The following GNG12 variants were observed in gnomAD, a reference collection of about 807,000 sequenced individuals.
GNG12 encodes guanine nucleotide-binding protein G(I)/G(S)/G(O) subunit gamma-12.
For missense variants in GNG12, 69 were observed against 83.8 expected, an observed-to-expected ratio of 0.82 and a Z score of 0.69; for synonymous variants, 28 against 29.7, an observed-to-expected ratio of 0.94 and a Z score of 0.19.
chr1:67,729,948 A>G (rs1245097251), intron 2 of GNG12, among the ~76,000 whole-genome samples: 2 of 152,232 alleles, frequency 1.3e-5, no homozygotes, highest in Non-Finnish European at 2.9e-5. Context: ...TTATGGCAGT[A>G]CTGACTTAGG....
Position 67,714,662 on chromosome 1 carries a change from C to T in GNG12, c.-26-6950G>A, listed in dbSNP as rs996731633. 5.3e-5 allele frequency among the ~76,000 whole-genome samples: 8 copies of T among 152,128 alleles called. No homozygotes were observed. In the South Asian group the frequency reaches 6.2e-4, roughly 12 times the overall value. On this transcript the variant is annotated intron_variant, in intron 2 of 3. Coordinates refer to ENST00000370982, the MANE Select transcript of GNG12 (RefSeq NM_018841.6). Reference sequence around the variant, plus strand: ...CCTCCTAGCATGCCTCACTGGACTGCGGGGCTGGAAAGTGGAAAACTACAT... The same window carrying T: ...CCTCCTAGCATGCCTCACTGGACTGTGGGGCTGGAAAGTGGAAAACTACAT...
chr1:67,832,288 T>G (rs1160948304), intron 1 of GNG12: 1 of 152,158 alleles, frequency 6.6e-6, no homozygotes, highest in Non-Finnish European at 1.5e-5. Context: ...TGTTCAGAGA[T>G]TTCCTTCTCG....
intron 2 of GNG12, among the ~76,000 whole-genome samples, chr1:67,764,323 G>A (rs1195518167): frequency 6.6e-6 from 1 of 152,032 alleles, no homozygotes; most frequent in Non-Finnish European, 1.5e-5. Flanking sequence ...GCATCTCTTG[G>A]CATTTACCAT....
At chr1:67,791,087 A>T (rs1646799743) in intron 1 of GNG12, among the ~76,000 whole-genome samples, 1 of 152,192 alleles carries the variant, frequency 6.6e-6, no homozygotes, top group South Asian at 2.1e-4. Flanking sequence ...ACAAGAGTTA[A>T]TTCTGAAATT....
At chr1:67,757,513 C>CA (rs1210361682) in intron 2 of GNG12, among the ~76,000 whole-genome samples, 1 of 152,156 alleles carries the variant, frequency 6.6e-6, no homozygotes, top group Non-Finnish European at 1.5e-5. Flanking sequence ...AACCTGCTTC[C>CA]AGCTGCATAC....
At chr1:67,724,920 C>T (rs1646377692) in intron 2 of GNG12, among the ~76,000 whole-genome samples, 1 of 152,088 alleles carries the variant, frequency 6.6e-6, no homozygotes, top group South Asian at 2.1e-4. Context: ...CATGTCATAA[C>T]ATATTATATG....
intron 2 of GNG12, among the ~76,000 whole-genome samples, chr1:67,764,255 T>C (rs1169637694): frequency 6.6e-6 from 1 of 152,110 alleles, no homozygotes; most frequent in Non-Finnish European, 1.5e-5. Context: ...GTCTGGTGCG[T>C]AGAGAAAGAC....
chr1:67,757,993 CAG>C (rs141498990), intron 2 of GNG12, among the ~76,000 whole-genome samples: 3,616 of 152,132 alleles, frequency 0.024, 152 homozygotes, highest in African/African-American at 0.083. Context: ...TTTTTTGAGA[CAG>C]AGTTTTACTC....
At chr1:67,767,331 C>T (rs897766937) in intron 2 of GNG12, among the ~76,000 whole-genome samples, 1 of 152,140 alleles carries the variant, frequency 6.6e-6, no homozygotes, top group Non-Finnish European at 1.5e-5. Flanking sequence ...GGCCTGAGCT[C>T]CTCCCGCTTA....
At chr1:67,729,631 C>G (rs866195238) in intron 2 of GNG12, among the ~76,000 whole-genome samples, 1 of 152,130 alleles carries the variant, frequency 6.6e-6, no homozygotes, top group Non-Finnish European at 1.5e-5. Context: ...CCCTTGTGCT[C>G]TATTCTAAGG....
intron 2 of GNG12, among the ~76,000 whole-genome samples, chr1:67,762,557 C>T (rs1646611763): frequency 6.6e-6 from 1 of 152,082 alleles, no homozygotes; most frequent in Non-Finnish European, 1.5e-5. Context: ...TATTTATGTA[C>T]ATATATACCT....
intron 2 of GNG12, among the ~76,000 whole-genome samples, chr1:67,716,844 T>C (rs889358459): frequency 1.3e-5 from 2 of 152,216 alleles, no homozygotes; most frequent in African/African-American, 4.8e-5. Context: ...ATTGTTCTTA[T>C]TTCTAAGAAC....
chr1:67,821,165 C>A (rs1646982550), intron 1 of GNG12, among the ~76,000 whole-genome samples: 2 of 152,172 alleles, frequency 1.3e-5, no homozygotes, highest in Non-Finnish European at 2.9e-5. Context: ...TTAATCCCTG[C>A]AACATGTGAA....
At chr1:67,786,717 T>G (rs1007005260) in intron 1 of GNG12, among the ~76,000 whole-genome samples, 4 of 151,972 alleles carry the variant, frequency 2.6e-5, no homozygotes, top group African/African-American at 9.7e-5. Context: ...AGGTCAGGGG[T>G]TCGAGACCAG....
chr1:67,758,823 A>T (rs1420354783), intron 2 of GNG12, among the ~76,000 whole-genome samples: 1 of 152,140 alleles, frequency 6.6e-6, no homozygotes, highest in Non-Finnish European at 1.5e-5. Context: ...GGAGTGATGT[A>T]TGGGAGCTAA....
rs115207707 is a variant in GNG12, at chr1:67,816,747, C to T, written c.-77+16597G>A. On this transcript the variant is annotated intron_variant, in intron 1 of 3. Coordinates refer to ENST00000370982, the MANE Select transcript of GNG12 (RefSeq NM_018841.6). ...GGACAGGTAGGGCCCGGTGACAAGA[C>T]GTCCTGAGCCTGGCCAGCACCCGAC... is the stretch of plus-strand genomic sequence containing the variant. Among the ~76,000 whole-genome samples the T allele has an allele frequency of 4.7e-3, 713 of 152,276 alleles. 2 individuals are homozygous for T. The highest frequency in any genetic ancestry group is 0.016 in the African/African-American group (679 of 41,554).
chr1:67,767,755 G>T (rs1344341459), intron 2 of GNG12, among the ~76,000 whole-genome samples: 1 of 152,132 alleles, frequency 6.6e-6, no homozygotes, highest in Non-Finnish European at 1.5e-5. Flanking sequence ...ATGAGGCAAG[G>T]CCTAAAAAAA....
chr1:67,777,132 C>G (rs1437392449), intron 2 of GNG12: 1 of 152,130 alleles, frequency 6.6e-6, no homozygotes, highest in African/African-American at 2.4e-5. Context: ...TGTCTGAATT[C>G]CCTGGCTGAA....
chr1:67,724,651 A>C (rs1440835814), intron 2 of GNG12, among the ~76,000 whole-genome samples: 8 of 152,198 alleles, frequency 5.3e-5, no homozygotes, highest in Admixed American at 5.2e-4. Flanking sequence ...TGGCCTCCCA[A>C]AGTGCTGGGA....
Sources: gnomAD v4.1 joint callset for allele counts (sites outside exome capture counted in the v4.1 genomes callset) on GRCh38, gnomAD v4.1.1 for gene constraint, MANE v1.5 for transcripts, NCBI Gene and HGNC (gene_info 2026-07-23, HGNC 2026-07-21) for gene names.